The following CDK6 variants were observed in gnomAD, a reference collection of about 807,000 sequenced individuals.
CDK6 encodes the protein cyclin-dependent kinase 6.
Under a neutral mutation model 37.1 loss-of-function variants are expected in CDK6, and 6 were observed. The ratio of observed to expected loss-of-function variants is 0.16; its 90% confidence interval spans 0.09 to 0.32. The LOEUF (loss-of-function observed/expected upper bound fraction) is 0.32, where lower values mean the gene tolerates loss of function less well. CDK6 is among the 10% of genes least tolerant of loss of function. The pLI, the probability that CDK6 is intolerant of heterozygous loss-of-function variation, is 1.00. For synonymous variants in CDK6, 160 were observed against 161.3 expected, an observed-to-expected ratio of 0.99 and a Z score of 0.06; for missense variants, 224 against 418.9, an observed-to-expected ratio of 0.53 and a Z score of 4.06.
intron 2 of CDK6, among the ~76,000 whole-genome samples, chr7:92,830,082 T>A (rs1367314414): frequency 6.6e-6 from 1 of 152,236 alleles, no homozygotes; most frequent in African/African-American, 2.4e-5. Flanking sequence ...ATTTGTGCAG[T>A]GCAGAAACTC....
chr7:92,708,889 A>G (rs1255314211), intron 4 of CDK6, among the ~76,000 whole-genome samples: 1 of 152,254 alleles, frequency 6.6e-6, no homozygotes, highest in East Asian at 1.9e-4. Flanking sequence ...AGTAGTGATT[A>G]CATCAGTAGT....
At chr7:92,689,175 T>A (rs1311210951) in intron 4 of CDK6, among the ~76,000 whole-genome samples, 1 of 152,180 alleles carries the variant, frequency 6.6e-6, no homozygotes, top group African/African-American at 2.4e-5. Context: ...CAGGGGTTCA[T>A]TGTACTGATT....
intron 4 of CDK6, among the ~76,000 whole-genome samples, chr7:92,704,946 C>G (rs1797934309): frequency 6.6e-6 from 1 of 152,044 alleles, no homozygotes; most frequent in African/African-American, 2.4e-5. Context: ...TTTTATGTTC[C>G]CTTCAACAGA....
chr7:92,747,548 T>C (rs944275806), intron 3 of CDK6, among the ~76,000 whole-genome samples: 1 of 152,198 alleles, frequency 6.6e-6, no homozygotes, highest in African/African-American at 2.4e-5. Context: ...AACCAGCAAA[T>C]CTTGAGCAAG....
chr7:92,834,830 C>A lies in CDK6; in HGVS notation c.-367-1140G>T, dbSNP rs1033379262. ...CCCCATTCCCCCTCCGGCTAAAGGCCCGGTCCAGTCTGCAGCCGGACGCCC... is the reference window on the plus strand; with the variant it reads ...CCCCATTCCCCCTCCGGCTAAAGGCACGGTCCAGTCTGCAGCCGGACGCCC... On this transcript the variant is annotated intron_variant, in intron 1 of 7. Coordinates refer to ENST00000424848, the MANE Select transcript of CDK6 (RefSeq NM_001145306.2). This position sits in a 1 kb window ranked among gnomAD's most constrained non-coding sequence, Gnocchi z 4.6. Among the ~76,000 whole-genome samples, 5 of 152,092 alleles carry A rather than the reference C, an allele frequency of 3.3e-5. No individual in the cohort carries two copies. The highest frequency in any genetic ancestry group is 1.2e-4 in the African/African-American group (5 of 41,396).
chr7:92,693,535 A>T (rs971116057), intron 4 of CDK6, among the ~76,000 whole-genome samples: 1 of 152,236 alleles, frequency 6.6e-6, no homozygotes, highest in Non-Finnish European at 1.5e-5. Flanking sequence ...TAGTTTATAC[A>T]GGTATATTCT....
intron 4 of CDK6, among the ~76,000 whole-genome samples, chr7:92,693,148 T>C (rs898494780): frequency 1.3e-5 from 2 of 152,230 alleles, no homozygotes; most frequent in African/African-American, 4.8e-5. Context: ...GCCCAAACTC[T>C]CTTTTTTGCA....
At chr7:92,762,799 T>C (rs992724898) in intron 3 of CDK6, among the ~76,000 whole-genome samples, 3 of 152,090 alleles carry the variant, frequency 2.0e-5, no homozygotes, top group Non-Finnish European at 4.4e-5. Flanking sequence ...TCTTGAACTC[T>C]TGACCTTGTG....
In CDK6 at chr7:92,761,967, T is replaced by C. The variant is rs181126750; in HGVS notation, c.369+12729A>G. On this transcript the variant is annotated intron_variant, in intron 3 of 7. Transcript: ENST00000424848. Reference sequence around the variant, plus strand: ...TGCATATCATGGGCTGTTAGTATAGTGGCAACATTAAGAAAAGATGATGTC... The same window carrying C: ...TGCATATCATGGGCTGTTAGTATAGCGGCAACATTAAGAAAAGATGATGTC... Among the ~76,000 whole-genome samples, 430 of 152,344 alleles carry C rather than the reference T, an allele frequency of 2.8e-3. 14 individuals are homozygous for C. The highest frequency in any genetic ancestry group is 3.0e-3 in the Non-Finnish European group (207 of 68,034).
intron 3 of CDK6, among the ~76,000 whole-genome samples, chr7:92,748,609 A>G (rs1378066787): frequency 6.6e-6 from 1 of 152,224 alleles, no homozygotes; most frequent in Non-Finnish European, 1.5e-5. Context: ...GGCTCAGAAA[A>G]GTCAAGTGAC....
In CDK6 at chr7:92,753,720, G is replaced by A. The variant is rs576313967; in HGVS notation, c.369+20976C>T. On this transcript the variant is annotated intron_variant, in intron 3 of 7. Transcript: ENST00000424848. ...TCTAAGAGGGCCAACTAAAACTGGT[G>A]CCTCAAGTTTCCTGCCTGACATCAT... Among the ~76,000 whole-genome samples the A allele has an allele frequency of 2.6e-5, 4 of 152,276 alleles. No homozygotes were observed. The South Asian group carries it at 8.3e-4, about 32-fold the overall frequency.
intron 5 of CDK6, among the ~76,000 whole-genome samples, chr7:92,670,254 A>G (rs1797044760): frequency 6.6e-6 from 1 of 152,226 alleles, no homozygotes; most frequent in Non-Finnish European, 1.5e-5. Context: ...GTATGGCTGC[A>G]TTAAACATCT....
At chr7:92,792,378 A>C (rs1163705636) in intron 2 of CDK6, among the ~76,000 whole-genome samples, 3 of 152,180 alleles carry the variant, frequency 2.0e-5, no homozygotes, top group Non-Finnish European at 4.4e-5. Flanking sequence ...ACTAAATTAT[A>C]TTCTATATGT....
chr7:92,618,906 T>A (rs1054889977), intron 6 of CDK6, among the ~76,000 whole-genome samples: 1 of 152,198 alleles, frequency 6.6e-6, no homozygotes. Context: ...CAGCAAGTGA[T>A]AAGCACAGGC....
chr7:92,791,954 T>G (rs1490598618), intron 2 of CDK6, among the ~76,000 whole-genome samples: 1 of 152,152 alleles, frequency 6.6e-6, no homozygotes, highest in East Asian at 1.9e-4. Flanking sequence ...CTAAGAAGTC[T>G]GGAAATTATC....
chr7:92,792,700 C>A (rs1170717100), intron 2 of CDK6, among the ~76,000 whole-genome samples: 2 of 151,676 alleles, frequency 1.3e-5, no homozygotes, highest in African/African-American at 4.8e-5. Flanking sequence ...TTTCCAAAGG[C>A]CATAAGAAGA....
intron 2 of CDK6, among the ~76,000 whole-genome samples, chr7:92,797,902 G>C (rs750812953): frequency 1.1e-4 from 16 of 152,262 alleles, no homozygotes; most frequent in Admixed American, 7.9e-4. Flanking sequence ...ACGGGATCTT[G>C]GACACCTTCG....
intron 5 of CDK6, among the ~76,000 whole-genome samples, chr7:92,625,219 AACACACACAC>A (rs71699291): frequency 1.8e-4 from 26 of 141,984 alleles, no homozygotes; most frequent in Middle Eastern, 6.9e-3. Context: ...GTGGTAACTA[AACACACACAC>A]ACACACACAC....
At chr7:92,628,302 A>G (rs1028592815) in intron 5 of CDK6, among the ~76,000 whole-genome samples, 29 of 152,032 alleles carry the variant, frequency 1.9e-4, no homozygotes, top group East Asian at 1.2e-3. Flanking sequence ...AAAAAACCCG[A>G]CAACATTGCC....
Sources: allele counts gnomAD v4.1 joint callset (sites outside exome capture counted in the v4.1 genomes callset), GRCh38; gene constraint gnomAD v4.1.1; non-coding constraint Gnocchi (gnomAD v3.1); transcripts MANE v1.5; gene names NCBI Gene and HGNC (gene_info 2026-07-23, HGNC 2026-07-21).